Variants in STOML1 observed in about 807,000 individuals in gnomAD.
STOML1 encodes stomatin-like protein 1.
In STOML1, 27 loss-of-function variants were observed where a neutral mutation model predicts 35.7. The ratio of observed to expected loss-of-function variants is 0.76; its 90% confidence interval spans 0.56 to 1.04. The LOEUF (loss-of-function observed/expected upper bound fraction) is 1.04. STOML1 is among the 50% of genes least tolerant of loss of function. STOML1 has a pLI of 0.00. For synonymous variants in STOML1, 219 were observed against 227.9 expected (o/e 0.96, Z 0.35); for missense variants, 451 against 527.1 (o/e 0.86, Z 1.41).
In STOML1 at chr15:73,985,498, C is replaced by T; in HGVS notation, c.610G>A (p.Val204Met). Residue 204 changes from valine to methionine, a missense_variant, in exon 5 of 7, where the codon GTG (valine) becomes ATG (methionine). Physicochemically the swap from Val to Met is conservative, Grantham distance 21. Coordinates refer to ENST00000541638, the MANE Select transcript of STOML1 (RefSeq NM_004809.5). ...ACCTCCAGCCCCCAGGCCCTGGTCACATCGTTGATCTCCAGCTGGAGGACA... is the reference window on the plus strand; with the variant it reads ...ACCTCCAGCCCCCAGGCCCTGGTCATATCGTTGATCTCCAGCTGGAGGACA... The part of the protein sequence containing the change: ...SDQLLLEIND[V>M]TRAWGLEVDR... 6.5e-7 allele frequency: 1 copy of T among 1,541,506 alleles called. No homozygotes were observed. Among genetic ancestry groups the T allele is most frequent in the Non-Finnish European group, 8.7e-7 (1 of 1,144,446 alleles).
chr15:73,994,210 T>C (rs1595869545), upstream of STOML1, among the ~76,000 whole-genome samples: 1 of 152,188 alleles, frequency 6.6e-6, no homozygotes, highest in East Asian at 1.9e-4. Context: ...AATCTGAAAA[T>C]GGCCAAAATT....
rs891464192 is a variant in STOML1 at position 73,980,220 on chromosome 15, A to C, written c.*3717T>G. The C allele has an allele frequency of 2.6e-5, 4 of 152,226 alleles. No homozygotes were observed. The highest frequency in any genetic ancestry group is 6.5e-5 in the Admixed American group (1 of 15,278). 9.4% of individuals were successfully genotyped at this position (152,226 alleles called of 1,614,324 possible). On this transcript the variant is annotated 3_prime_UTR_variant, in exon 7 of 7. Transcript: ENST00000541638. ...GAGTGTAAATTGGTATAATCCCCAG[A>C]GAAGGTATTCTGGCAATATTTACTA...
chr15:73,992,288 G>C lies in STOML1; in HGVS notation c.-65C>G. ...GCCCTCCCTGGCCAGTGGGCCCTAC[G>C]CGGCCCCGCCCTCCTGGCTGCTGCT... On this transcript the variant is annotated 5_prime_UTR_variant, in exon 1 of 7. Coordinates refer to ENST00000541638, the MANE Select transcript of STOML1 (RefSeq NM_004809.5). 1 of 1,513,730 alleles carries C rather than the reference G, an allele frequency of 6.6e-7. No homozygotes were observed. Among genetic ancestry groups the C allele is most frequent in the Non-Finnish European group, 8.8e-7 (1 of 1,140,610 alleles). The allele number at this position is 1,513,730 out of a possible 1,614,324, so 93.8% of individuals were successfully genotyped here. A position where few individuals can be genotyped will look rare whatever the true frequency, so the allele number is the denominator to read the frequency against.
rs372509046 is a variant in STOML1 at position 73,988,849 on chromosome 15, G to A, written c.391-47C>T. On this transcript the variant is annotated intron_variant, in intron 3 of 6. Coordinates refer to ENST00000541638, the MANE Select transcript of STOML1 (RefSeq NM_004809.5). The surrounding 1 kb of genome is among the most constrained non-coding windows in gnomAD (Gnocchi z 4.8). The stretch of plus-strand genomic sequence containing the variant: ...GAGAGACACTCAAGGGGCTGGGGGT[G>A]CAGGGAGGTCAGGCCCACTGGGGCC... 8.2e-6 allele frequency: 13 copies of A among 1,586,580 alleles called. No individual in the cohort carries two copies. In the African/African-American group the frequency reaches 1.2e-4, roughly 15 times the overall value.
At chr15:73,984,549 C>A (rs1052288006) in intron 6 of STOML1, 110 bp downstream of exon 6, 75 of 1,321,760 alleles carry the variant, frequency 5.7e-5, no homozygotes, top group Non-Finnish European at 1.2e-5. Flanking sequence ...CATGGGTTCA[C>A]CCCAAATTAT....
chr15:73,984,919 C>T (rs377497202), intron 5 of STOML1, 48 bp from the exon 6 acceptor site: 274 of 1,606,372 alleles, frequency 1.7e-4, no homozygotes, highest in Non-Finnish European at 2.3e-4. Flanking sequence ...AGGAGGTCAT[C>T]GTGTTGCCAA....
chr15:73,984,633 A>G (rs2069027894), intron 6 of STOML1, 26 bp downstream of exon 6: 2 of 1,609,650 alleles, frequency 1.2e-6, no homozygotes, highest in African/African-American at 1.3e-5. Context: ...CTGGATGGGA[A>G]GGAGAGGCAA....
intron 6 of STOML1, 105 bp downstream of exon 6, chr15:73,984,554 A>G (rs753059703): frequency 4.4e-6 from 6 of 1,369,710 alleles, no homozygotes; most frequent in African/African-American, 2.9e-5. Context: ...GTTCACCCCA[A>G]ATTATTGGCA....
rs2141655977 is a variant in STOML1 at position 73,979,969 on chromosome 15, T to A, written c.*3968A>T. Reference sequence around the variant, plus strand: ...ATGGTGATCCTTTAAGCCTGGGAGGTTGAGGCTGCAGTGAGCCACAATCAC... The same window carrying A: ...ATGGTGATCCTTTAAGCCTGGGAGGATGAGGCTGCAGTGAGCCACAATCAC... On this transcript the variant is annotated 3_prime_UTR_variant, in exon 7 of 7. Coordinates refer to ENST00000541638, the MANE Select transcript of STOML1 (RefSeq NM_004809.5). The A allele has an allele frequency of 6.9e-6, 1 of 145,830 alleles. No individual in the cohort carries two copies. Among genetic ancestry groups the A allele is most frequent in the South Asian group, 2.2e-4 (1 of 4,588 alleles). The allele number at this position is 145,830 out of a possible 1,614,324, so 9.0% of individuals were successfully genotyped here.
chr15:73,982,455 G>T lies in STOML1; in HGVS notation c.*1482C>A, dbSNP rs898203376. The T allele has an allele frequency of 6.5e-6, 1 of 152,810 alleles. No homozygotes were observed. Among genetic ancestry groups the T allele is most frequent in the Non-Finnish European group, 1.5e-5 (1 of 68,526 alleles). The allele number at this position is 152,810 out of a possible 1,614,324, so 9.5% of individuals were successfully genotyped here. On this transcript the variant is annotated 3_prime_UTR_variant, in exon 7 of 7. Transcript: ENST00000541638. ...TGGAAACCTGAACCTCAATGGCCAT[G>T]GCAGTGACAGAGGGGTCTGTGCTGG...
Position 73,992,157 on chromosome 15 carries a change from A to G in STOML1, c.67T>C (p.Phe23Leu). The G allele has an allele frequency of 6.2e-7, 1 of 1,609,350 alleles. No individual in the cohort carries two copies. Among genetic ancestry groups the G allele is most frequent in the Non-Finnish European group, 8.5e-7 (1 of 1,178,284 alleles). Reference protein sequence around the residue: ...GDFDRFQQSSFGFLGSQKGCL... With the variant: ...GDFDRFQQSSLGFLGSQKGCL... ...CCCTTCTGCGAGCCCAGAAAGCCGA[A>G]GCTCGACTGCTGGAAGCGGTCAAAA... The change falls in exon 1 of 7, where the codon TTC (phenylalanine) becomes CTC (leucine). Residue 23 changes from phenylalanine (F) to leucine (L), a missense_variant. Physicochemically the swap from Phe to Leu is conservative, Grantham distance 22 (BLOSUM62 0). Transcript: ENST00000541638.
rs1195446959 is a variant in STOML1 at position 73,981,581 on chromosome 15, C to T, written c.*2356G>A. 6.6e-6 allele frequency: 1 copy of T among 152,208 alleles called. No homozygotes were observed. Among genetic ancestry groups the T allele is most frequent in the African/African-American group, 2.4e-5 (1 of 41,448 alleles). 9.4% of individuals were successfully genotyped at this position (152,208 alleles called of 1,614,324 possible). ...CACAACCTGTCTGGTACTTCAGGTT[C>T]TAGTTCCCCGAAGCCCAGTTGCCTG... On this transcript the variant is annotated 3_prime_UTR_variant, in exon 7 of 7. Transcript: ENST00000541638.
intron 3 of STOML1, 64 bp downstream of exon 3, chr15:73,989,044 G>T: frequency 6.6e-7 from 1 of 1,519,104 alleles, no homozygotes; most frequent in Middle Eastern, 2.4e-4. Flanking sequence ...TGAGGTCCTG[G>T]CACCACAGTA....
chr15:73,985,028 G>A lies in STOML1; in HGVS notation c.791-157C>T, dbSNP rs138507064. On this transcript the variant is annotated intron_variant, in intron 5 of 6. Transcript: ENST00000541638. Reference sequence around the variant, plus strand: ...CAACTTCCTCCTCTACCAGAAAGGTGCCCCTGAGTTTTCAGCCTAAACTGC... The same window carrying A: ...CAACTTCCTCCTCTACCAGAAAGGTACCCCTGAGTTTTCAGCCTAAACTGC... Among the ~76,000 whole-genome samples, 435 of 152,314 alleles carry A rather than the reference G, an allele frequency of 2.9e-3. 1 individual carries two copies. The highest frequency in any genetic ancestry group is 6.8e-3 in the Middle Eastern group (2 of 294).
rs2289413 is a variant in STOML1, at chr15:73,983,887, A to G, written c.*50T>C. 67,516 of 1,559,418 alleles carry G rather than the reference A, an allele frequency of 0.043. 2,664 individuals carry two copies. The highest frequency in any genetic ancestry group is 0.18 in the East Asian group (7,929 of 44,128). The stretch of plus-strand genomic sequence containing the variant: ...CACCTCCTCCTCCAAGAGGCCCCTC[A>G]GGCTTGGTGCCAGGCTTGGGACTGG... On this transcript the variant is annotated 3_prime_UTR_variant, in exon 7 of 7. Coordinates refer to ENST00000541638, the MANE Select transcript of STOML1 (RefSeq NM_004809.5).
chr15:73,984,208 G>A, intron 6 of STOML1, 78 bp from the exon 7 acceptor site: 1 of 1,449,890 alleles, frequency 6.9e-7, no homozygotes, highest in East Asian at 2.5e-5. Context: ...GGGAGGGGCT[G>A]GTATTTCCCA....
At position 73,981,883 on chromosome 15, in the gene STOML1, A is replaced by T. The variant is rs1341155616; in HGVS notation, c.*2054T>A. On this transcript the variant is annotated 3_prime_UTR_variant, in exon 7 of 7. Transcript: ENST00000541638. ...TCGAGCTCCCCTCCACAGGGTGGGG[A>T]TTCATGGCAGGGGCAGGCCTTACTC... 5 of 152,784 alleles carry T rather than the reference A, an allele frequency of 3.3e-5. No homozygotes were observed. The East Asian group carries it at 9.6e-4, about 29-fold the overall frequency. 9.5% of individuals were successfully genotyped at this position (152,784 alleles called of 1,614,324 possible). A position where few individuals can be genotyped will look rare whatever the true frequency, so the allele number is the denominator to read the frequency against.
intron 4 of STOML1, 128 bp from the exon 5 acceptor site, chr15:73,985,641 G>T: frequency 1.8e-6 from 2 of 1,127,536 alleles, no homozygotes; most frequent in Non-Finnish European, 1.2e-6. Flanking sequence ...CTCCTAGCCT[G>T]GGAACACAGG....
At chr15:73,993,416 C>T (rs888641641), upstream of STOML1, among the ~76,000 whole-genome samples, 2 of 152,224 alleles carry the variant, frequency 1.3e-5, no homozygotes, top group Non-Finnish European at 2.9e-5. Flanking sequence ...CGCCTCTGGC[C>T]TCCGAAGCCC....
Sources: allele counts gnomAD v4.1 joint callset (sites outside exome capture counted in the v4.1 genomes callset), GRCh38; gene constraint gnomAD v4.1.1; non-coding constraint Gnocchi (gnomAD v3.1); transcripts MANE v1.5; gene names NCBI Gene and HGNC (gene_info 2026-07-23, HGNC 2026-07-21).